The following ARHGAP32 variants were observed in gnomAD, a reference collection of about 807,000 sequenced individuals.
The protein encoded by ARHGAP32 is Rho GTPase activating protein 32, also known as rho GTPase-activating protein 32.
A neutral mutation model predicts 186.5 loss-of-function variants in ARHGAP32; 51 were observed. That is an observed-to-expected ratio of 0.27 (90% CI 0.22 to 0.35). The LOEUF is 0.35. Ranked by LOEUF, ARHGAP32 falls within the 10% of genes least tolerant of loss-of-function variation. ARHGAP32 has a pLI of 1.00. For synonymous variants in ARHGAP32, 950 were observed against 964.3 expected (o/e 0.99, Z 0.27); for missense variants, 2,186 against 2,623.5 (o/e 0.83, Z 3.64).
chr11:129,269,431 T>C (rs1945447233), intron 1 of ARHGAP32, among the ~76,000 whole-genome samples: 1 of 152,140 alleles, frequency 6.6e-6, no homozygotes, highest in Middle Eastern at 3.4e-3. Context: ...TGACGAGACT[T>C]AAAAGAAGTA....
At chr11:129,252,431 C>T (rs567380645) in intron 1 of ARHGAP32, among the ~76,000 whole-genome samples, 1 of 152,224 alleles carries the variant, frequency 6.6e-6, no homozygotes, top group East Asian at 1.9e-4. Context: ...GAGCGGATTC[C>T]AACTCATTAA....
chr11:129,124,769 A>T, intron 3 of ARHGAP32, 34 bp downstream of exon 3: 1 of 1,459,910 alleles, frequency 6.8e-7, no homozygotes, highest in African/African-American at 1.4e-5. Flanking sequence ...ATTCGTAGGA[A>T]TTCATTTAGA....
chr11:128,978,236 T>C (rs908280285), intron 19 of ARHGAP32, among the ~76,000 whole-genome samples: 4 of 152,170 alleles, frequency 2.6e-5, no homozygotes, highest in African/African-American at 4.8e-5. Flanking sequence ...AGTACTACTA[T>C]CCTTCCTAGA....
chr11:129,150,147 G>A (rs9988849), intron 2 of ARHGAP32, among the ~76,000 whole-genome samples: 2,745 of 148,110 alleles, frequency 0.019, 40 homozygotes, highest in African/African-American at 0.038. Flanking sequence ...AAAATGAACA[G>A]AGCCTCCAAG....
intron 1 of ARHGAP32, among the ~76,000 whole-genome samples, chr11:129,278,738 G>T (rs913701215): frequency 3.0e-4 from 45 of 151,740 alleles, no homozygotes; most frequent in African/African-American, 9.4e-4. Context: ...GATGTCGCCC[G>T]CGGGCAGCGG....
upstream of ARHGAP32, among the ~76,000 whole-genome samples, chr11:129,194,313 GTAGCAAAATAGGA>G (rs1283559549): frequency 1.3e-5 from 2 of 152,096 alleles, no homozygotes; most frequent in Non-Finnish European, 2.9e-5. Flanking sequence ...AGACATTATA[GTAGCAAAATAGGA>G]TAGCAAAAAC....
intron 1 of ARHGAP32, among the ~76,000 whole-genome samples, chr11:129,233,329 T>C (rs1944884077): frequency 6.6e-6 from 1 of 152,142 alleles, no homozygotes; most frequent in Non-Finnish European, 1.5e-5. Flanking sequence ...AGGAGTTTAT[T>C]ATATTCTACA....
At position 129,159,433 on chromosome 11, in the gene ARHGAP32, A is replaced by C. The variant is rs1284832869; in HGVS notation, c.225+4886T>G. 2.6e-5 allele frequency among the ~76,000 whole-genome samples: 4 copies of C among 152,182 alleles called. No homozygotes were observed. The East Asian group carries it at 7.7e-4, about 29-fold the overall frequency. On this transcript the variant is annotated intron_variant, in intron 2 of 22. Transcript: ENST00000682385. ...GAGAATACTGTAAACACCTCTACAC[A>C]AATAAACTAGAAAATCTAGAAGAAA... is the stretch of plus-strand genomic sequence containing the variant.
At chr11:129,249,357 A>G (rs1945148396) in intron 1 of ARHGAP32, among the ~76,000 whole-genome samples, 1 of 152,180 alleles carries the variant, frequency 6.6e-6, no homozygotes, top group African/African-American at 2.4e-5. Context: ...ATATACATAC[A>G]CCAGAGTGCA....
intron 1 of ARHGAP32, among the ~76,000 whole-genome samples, chr11:129,187,231 G>C (rs1944180395): frequency 6.6e-6 from 1 of 152,210 alleles, no homozygotes; most frequent in African/African-American, 2.4e-5. Context: ...GTTGGAGCTA[G>C]AGGTCATTAT....
At chr11:129,042,534 T>C (rs1939639128) in intron 10 of ARHGAP32, among the ~76,000 whole-genome samples, 1 of 152,116 alleles carries the variant, frequency 6.6e-6, no homozygotes, top group South Asian at 2.1e-4. Flanking sequence ...AGAGTCAACT[T>C]AAAAAAATCT....
intron 2 of ARHGAP32, among the ~76,000 whole-genome samples, chr11:129,150,467 A>C (rs1207604550): frequency 2.0e-5 from 3 of 152,174 alleles, no homozygotes; most frequent in Non-Finnish European, 2.9e-5. Context: ...CTGTGAGATA[A>C]AAGCATCAAA....
rs200032421 is a variant in ARHGAP32 at position 129,173,022 on chromosome 11, G to GT, written c.117-8596dup. ...AAAAAAATCAACAAATCCAGGGGCT[G>GT]TTTTTTTGAAAAAACAAACAAACAA... is the stretch of plus-strand genomic sequence containing the variant. On this transcript the variant is annotated intron_variant, in intron 1 of 22. Coordinates refer to ENST00000682385, the MANE Select transcript of ARHGAP32 (RefSeq NM_001378024.1). Among the ~76,000 whole-genome samples the GT allele has an allele frequency of 7.6e-3, 1,133 of 149,300 alleles. 9 individuals carry two copies. Among genetic ancestry groups the GT allele is most frequent in the Non-Finnish European group, 9.8e-3 (660 of 67,392 alleles).
intron 1 of ARHGAP32, among the ~76,000 whole-genome samples, chr11:129,211,265 T>C (rs1288780860): frequency 6.6e-5 from 10 of 152,192 alleles, no homozygotes; most frequent in Non-Finnish European, 4.4e-5. Flanking sequence ...AGATTTTGAG[T>C]GATTTGTGCA....
intron 8 of ARHGAP32, 92 bp from the exon 9 acceptor site, chr11:129,064,116 G>T: frequency 1.7e-6 from 2 of 1,165,780 alleles, no homozygotes; most frequent in Middle Eastern, 3.0e-4. Context: ...TTAATTTAGA[G>T]ATACAATAAC....
chr11:129,192,487 A>C (rs139754325), upstream of ARHGAP32, among the ~76,000 whole-genome samples: 227 of 152,302 alleles, frequency 1.5e-3, no homozygotes, highest in African/African-American at 5.1e-3. Flanking sequence ...TTTACTAATT[A>C]TTCTGTAATA....
At chr11:129,204,252 C>G (rs943883237) in intron 1 of ARHGAP32, among the ~76,000 whole-genome samples, 2 of 151,884 alleles carry the variant, frequency 1.3e-5, no homozygotes, top group African/African-American at 4.8e-5. Context: ...ACCGCTGTAA[C>G]TGGACTTCCT....
chr11:129,090,628 C>T lies in ARHGAP32; in HGVS notation c.531+2993G>A, dbSNP rs569452458. On this transcript the variant is annotated intron_variant, in intron 6 of 22. Coordinates refer to ENST00000682385, the MANE Select transcript of ARHGAP32 (RefSeq NM_001378024.1). The stretch of plus-strand genomic sequence containing the variant: ...AAAGATCAAAACAAGACTTTTATTA[C>T]AGCACAGGTAGAAAAAAACGCCCAC... Among the ~76,000 whole-genome samples the T allele has an allele frequency of 4.6e-5, 7 of 152,234 alleles. No individual in the cohort carries two copies. In the East Asian group the frequency reaches 5.8e-4, roughly 13 times the overall value.
At chr11:129,050,090 G>A (rs183631647) in intron 10 of ARHGAP32, among the ~76,000 whole-genome samples, 4 of 152,318 alleles carry the variant, frequency 2.6e-5, no homozygotes, top group African/African-American at 9.6e-5. Context: ...ATTAAGTGAT[G>A]ACTTACTGAG....
Sources: allele counts gnomAD v4.1 joint callset (sites outside exome capture counted in the v4.1 genomes callset), GRCh38; gene constraint gnomAD v4.1.1; transcripts MANE v1.5; gene names NCBI Gene and HGNC (gene_info 2026-07-23, HGNC 2026-07-21).